PDE10A: variants seen among roughly 807,000 people sequenced by gnomAD.
The protein encoded by PDE10A is cAMP and cAMP-inhibited cGMP 3',5'-cyclic phosphodiesterase 10A.
Under a neutral mutation model 97.7 loss-of-function variants are expected in PDE10A, and 39 were observed. The observed-to-expected ratio is 0.40, with a 90% CI of 0.31 to 0.52. The LOEUF is 0.52. Among genes scored for constraint, PDE10A ranks in the 20% least tolerant of loss-of-function variants. The pLI, the probability that PDE10A is intolerant of heterozygous loss-of-function variation, is 0.56. For synonymous variants in PDE10A, 371 were observed against 376.8 expected, an observed-to-expected ratio of 0.98 and a Z score of 0.18; for missense variants, 731 against 1,047.8, an observed-to-expected ratio of 0.70 and a Z score of 4.17.
intron 1 of PDE10A, among the ~76,000 whole-genome samples, chr6:165,707,416 C>T (rs1158542010): frequency 1.3e-5 from 2 of 152,236 alleles, no homozygotes; most frequent in Non-Finnish European, 2.9e-5. Flanking sequence ...GAGAGTCCAG[C>T]GTCTCTATCC....
intron 1 of PDE10A, among the ~76,000 whole-genome samples, chr6:165,906,647 T>C (rs1782294107): frequency 6.6e-6 from 1 of 152,178 alleles, no homozygotes; most frequent in Non-Finnish European, 1.5e-5. Flanking sequence ...GAAGGGGTCC[T>C]CTGGCAGGTG....
chr6:165,931,876 T>C (rs372862962), intron 1 of PDE10A, among the ~76,000 whole-genome samples: 17 of 152,046 alleles, frequency 1.1e-4, no homozygotes, highest in East Asian at 7.7e-4. Flanking sequence ...CAGGAGGTTG[T>C]TGAGAAGCAG....
intron 1 of PDE10A, among the ~76,000 whole-genome samples, chr6:165,979,369 G>C (rs1448126100): frequency 6.6e-6 from 1 of 152,188 alleles, no homozygotes; most frequent in Non-Finnish European, 1.5e-5. Context: ...CCAGGCATTA[G>C]CACCTTAAAA....
chr6:165,728,804 A>G (rs1332681409), intron 1 of PDE10A, among the ~76,000 whole-genome samples: 2 of 152,212 alleles, frequency 1.3e-5, no homozygotes, highest in East Asian at 3.9e-4. Flanking sequence ...TTGGGGCCAA[A>G]AACAAGACTT....
intron 1 of PDE10A, among the ~76,000 whole-genome samples, chr6:165,674,080 A>G (rs1180447797): frequency 6.6e-6 from 1 of 152,188 alleles, no homozygotes; most frequent in African/African-American, 2.4e-5. Context: ...GCACACAGAA[A>G]CAAAGACTGT....
chr6:165,541,006 T>C (rs1020376103), intron 2 of PDE10A, among the ~76,000 whole-genome samples: 2 of 152,158 alleles, frequency 1.3e-5, no homozygotes, highest in African/African-American at 4.8e-5. Context: ...CTGGTTTTTA[T>C]ATAGGCCTCA....
At chr6:165,702,382 C>T (rs867044531) in intron 1 of PDE10A, among the ~76,000 whole-genome samples, 5 of 152,188 alleles carry the variant, frequency 3.3e-5, no homozygotes, top group African/African-American at 9.7e-5. Flanking sequence ...CTCACCTGAG[C>T]GAGGCCCTCA....
chr6:165,507,435 T>C (rs1045500614), intron 2 of PDE10A, among the ~76,000 whole-genome samples: 3 of 152,050 alleles, frequency 2.0e-5, no homozygotes, highest in African/African-American at 7.2e-5. Context: ...TTAATGTTCC[T>C]TTTCCCCTTA....
chr6:165,495,753 T>C (rs1013690623), intron 2 of PDE10A, among the ~76,000 whole-genome samples: 2 of 152,222 alleles, frequency 1.3e-5, no homozygotes, highest in Admixed American at 1.3e-4. Flanking sequence ...CTGGTTTCAC[T>C]AGACTCTCAA....
At chr6:165,809,175 G>A (rs1230594120) in intron 1 of PDE10A, among the ~76,000 whole-genome samples, 1 of 152,230 alleles carries the variant, frequency 6.6e-6, no homozygotes, top group African/African-American at 2.4e-5. Context: ...ATGCTAGTGA[G>A]AAAATTAAGC....
At chr6:165,757,208 G>T (rs551441114) in intron 1 of PDE10A, among the ~76,000 whole-genome samples, 1 of 152,084 alleles carries the variant, frequency 6.6e-6, no homozygotes, top group Non-Finnish European at 1.5e-5. Flanking sequence ...CTCATGATCT[G>T]CCTGCCTCAG....
chr6:165,799,654 A>G (rs1778929005), intron 1 of PDE10A, among the ~76,000 whole-genome samples: 1 of 152,178 alleles, frequency 6.6e-6, no homozygotes, highest in African/African-American at 2.4e-5. Context: ...CACAGTTTCC[A>G]ATCGTCTTCT....
At chr6:165,820,100 T>C (rs917388953) in intron 1 of PDE10A, among the ~76,000 whole-genome samples, 13 of 152,282 alleles carry the variant, frequency 8.5e-5, no homozygotes, top group Admixed American at 7.8e-4. Flanking sequence ...CTTAGAAAAA[T>C]GTTTCTGATA....
At chr6:165,828,729 C>T (rs887169029) in intron 1 of PDE10A, among the ~76,000 whole-genome samples, 5 of 152,128 alleles carry the variant, frequency 3.3e-5, no homozygotes, top group Admixed American at 3.3e-4. Context: ...CAGCCGTCAC[C>T]AGCATCCCAA....
chr6:165,364,369 A>T (rs1241478077), intron 18 of PDE10A, among the ~76,000 whole-genome samples: 1 of 152,166 alleles, frequency 6.6e-6, no homozygotes, highest in Non-Finnish European at 1.5e-5. Flanking sequence ...GGAACCAGAA[A>T]ACAGGCCCTC....
At chr6:165,976,622 C>T (rs1005341714) in intron 1 of PDE10A, among the ~76,000 whole-genome samples, 2 of 152,238 alleles carry the variant, frequency 1.3e-5, no homozygotes, top group Non-Finnish European at 2.9e-5. Context: ...CGCACTCACT[C>T]TGGTTTATGC....
At chr6:165,950,636 AG>A in intron 1 of PDE10A, among the ~76,000 whole-genome samples, 1 of 152,212 alleles carries the variant, frequency 6.6e-6, no homozygotes, top group Non-Finnish European at 1.5e-5. Flanking sequence ...GCTCGGATGC[AG>A]AAGGCGGCCT....
intron 1 of PDE10A, among the ~76,000 whole-genome samples, chr6:165,862,068 G>A (rs778678025): frequency 9.8e-5 from 15 of 152,314 alleles, no homozygotes; most frequent in Non-Finnish European, 1.2e-4. Flanking sequence ...GGGCCAGGAC[G>A]CCTGCGCTCC....
intron 2 of PDE10A, among the ~76,000 whole-genome samples, chr6:165,514,406 G>A (rs559869651): frequency 7.2e-5 from 11 of 152,128 alleles, no homozygotes; most frequent in Non-Finnish European, 1.6e-4. Context: ...GATCTGGAAG[G>A]CAGTGTTTGC....
Sources: gnomAD v4.1 joint callset for allele counts (sites outside exome capture counted in the v4.1 genomes callset) on GRCh38, gnomAD v4.1.1 for gene constraint, MANE v1.5 for transcripts, NCBI Gene and HGNC (gene_info 2026-07-23, HGNC 2026-07-21) for gene names.